Variants in CHST11 observed in about 807,000 individuals in gnomAD.
CHST11 encodes carbohydrate sulfotransferase 11.
A neutral mutation model predicts 30.4 loss-of-function variants in CHST11; 9 were observed. The observed-to-expected ratio is 0.30, with a 90% CI of 0.18 to 0.52. The LOEUF is 0.52. Ranked by LOEUF, CHST11 falls within the 20% of genes least tolerant of loss-of-function variation. The pLI, the probability that CHST11 is intolerant of heterozygous loss-of-function variation, is 0.97. For missense variants in CHST11, 348 were observed against 460.6 expected, an observed-to-expected ratio of 0.76 and a Z score of 2.24; for synonymous variants, 152 against 187.8, an observed-to-expected ratio of 0.81 and a Z score of 1.56.
intron 2 of CHST11, among the ~76,000 whole-genome samples, chr12:104,614,608 A>C (rs905132288): frequency 1.3e-5 from 2 of 152,112 alleles, no homozygotes; most frequent in Admixed American, 1.3e-4. Flanking sequence ...AGGAGCATAG[A>C]GATAGACCTA....
rs964043769 is a variant in CHST11, at chr12:104,514,335, C to G, written c.118+56806C>G. 13 of 979,348 alleles carry G rather than the reference C, an allele frequency of 1.3e-5. No individual in the cohort carries two copies. In the African/African-American group the frequency reaches 1.9e-4, roughly 14 times the overall value. 60.7% of individuals were successfully genotyped at this position (979,348 alleles called of 1,614,324 possible). The stretch of plus-strand genomic sequence containing the variant: ...CATTGGCTGTGCCAGAAACCTGTCT[C>G]TCAAGCAGCAGCTCTTCTTCTATGC... On this transcript the variant is annotated intron_variant, in intron 1 of 2. Coordinates refer to ENST00000303694, the MANE Select transcript of CHST11 (RefSeq NM_018413.6).
chr12:104,628,984 C>G (rs552605382), intron 2 of CHST11, among the ~76,000 whole-genome samples: 32 of 152,318 alleles, frequency 2.1e-4, no homozygotes, highest in African/African-American at 7.0e-4. Context: ...GATGGATGGA[C>G]AAGCTGGGAG....
At chr12:104,484,972 G>T (rs1034370623) in intron 1 of CHST11, among the ~76,000 whole-genome samples, 1 of 152,202 alleles carries the variant, frequency 6.6e-6, no homozygotes, top group Non-Finnish European at 1.5e-5. Flanking sequence ...GTGCCGTCTG[G>T]GGAGTTAAAT....
intron 2 of CHST11, among the ~76,000 whole-genome samples, chr12:104,637,275 A>G (rs2039331336): frequency 7.4e-6 from 1 of 134,562 alleles, no homozygotes; most frequent in Non-Finnish European, 1.6e-5. Flanking sequence ...ACAGCATTCC[A>G]GCCTGGGCCA....
rs1188563357 is a variant in CHST11 at position 104,757,264 on chromosome 12, C to T, written c.520C>T (p.His174Tyr). Residue 174 changes from histidine (H) to tyrosine (Y), a missense_variant, in exon 3 of 3, where the codon CAC becomes TAC. His to Tyr is a moderately conservative substitution (Grantham distance 83). Transcript: ENST00000303694. The surrounding 1 kb of genome is among the most constrained non-coding windows in gnomAD (Gnocchi z 6.5). ...CCAGTACAGCATCCCAGAAATCAAC[C>T]ACCGCTTGAAAAGCTACATGAAGTT... ...LNQYSIPEIN[H>Y]RLKSYMKFLF... 2 of 1,614,110 alleles carry T rather than the reference C, an allele frequency of 1.2e-6. No homozygotes were observed. Among genetic ancestry groups the T allele is most frequent in the Non-Finnish European group, 1.7e-6 (2 of 1,180,024 alleles).
rs966804742 is a variant in CHST11 at position 104,461,245 on chromosome 12, A to T, written c.118+3716A>T. On this transcript the variant is annotated intron_variant, in intron 1 of 2. Coordinates refer to ENST00000303694, the MANE Select transcript of CHST11 (RefSeq NM_018413.6). The stretch of plus-strand genomic sequence containing the variant: ...GCTGAGGCACTGCTCTGTGTCCTGG[A>T]TTCTGGAGAAGGTTGGTCTTGTTTA... 2.0e-4 allele frequency among the ~76,000 whole-genome samples: 31 copies of T among 152,254 alleles called. 2 individuals carry two copies. Among genetic ancestry groups the T allele is most frequent in the Admixed American group, 1.1e-3 (17 of 15,296 alleles).
At chr12:104,492,090 T>C (rs530459674) in intron 1 of CHST11, among the ~76,000 whole-genome samples, 120 of 152,264 alleles carry the variant, frequency 7.9e-4, no homozygotes, top group African/African-American at 2.8e-3. Flanking sequence ...TCTTACCATG[T>C]CACTCTGTTT....
intron 1 of CHST11, among the ~76,000 whole-genome samples, chr12:104,524,039 C>CTT (rs10594720): frequency 1.2e-4 from 15 of 128,038 alleles, no homozygotes; most frequent in African/African-American, 4.4e-4. Context: ...TTCTTTCTTT[C>CTT]TTTTTTTTTT....
chr12:104,707,208 G>A (rs953313761), intron 2 of CHST11, among the ~76,000 whole-genome samples: 1 of 152,216 alleles, frequency 6.6e-6, no homozygotes, highest in Admixed American at 6.5e-5. Context: ...TGTTTTCCAA[G>A]AATCTAGAAA....
chr12:104,473,465 A>C (rs556106825), intron 1 of CHST11, among the ~76,000 whole-genome samples: 1 of 152,234 alleles, frequency 6.6e-6, no homozygotes, highest in South Asian at 2.1e-4. Flanking sequence ...GTGGGAGCTC[A>C]TGGGTGTATC....
intron 2 of CHST11, among the ~76,000 whole-genome samples, chr12:104,614,613 G>T (rs2039090483): frequency 6.6e-6 from 1 of 152,030 alleles, no homozygotes; most frequent in Non-Finnish European, 1.5e-5. Context: ...CATAGAGATA[G>T]ACCTAGACTA....
intron 2 of CHST11, among the ~76,000 whole-genome samples, chr12:104,714,000 C>G (rs1262248322): frequency 1.3e-5 from 2 of 152,212 alleles, no homozygotes; most frequent in East Asian, 3.8e-4. Context: ...TGCCACCTGT[C>G]ATGTGCTCTA....
At chr12:104,589,372 G>A (rs2136038199) in intron 1 of CHST11, among the ~76,000 whole-genome samples, 1 of 147,148 alleles carries the variant, frequency 6.8e-6, no homozygotes, top group East Asian at 2.0e-4. Flanking sequence ...CTGCACTCCA[G>A]CCTGAGTGAC....
In CHST11 at chr12:104,747,395, A is replaced by G. The variant is rs529394060; in HGVS notation, c.205-9554A>G. Among the ~76,000 whole-genome samples, 4 of 152,336 alleles carry G rather than the reference A, an allele frequency of 2.6e-5. No homozygotes were observed. The East Asian group carries it at 7.7e-4, about 29-fold the overall frequency. The stretch of plus-strand genomic sequence containing the variant: ...AAAATACTAATGATACCTACCTCAT[A>G]GAGTGTGAAGATCAACAGTAGCTGG... On this transcript the variant is annotated intron_variant, in intron 2 of 2. Coordinates refer to ENST00000303694, the MANE Select transcript of CHST11 (RefSeq NM_018413.6).
rs189803726 is a variant in CHST11, at chr12:104,605,573, C to G, written c.204+3582C>G. On this transcript the variant is annotated intron_variant, in intron 2 of 2. Transcript: ENST00000303694. ...CAGCCTGGGCGAAAGAGCCAGACTC[C>G]GTCTCAAAAAAATAAAAAATAAAAA... Among the ~76,000 whole-genome samples, 5 of 151,892 alleles carry G rather than the reference C, an allele frequency of 3.3e-5. No homozygotes were observed. In the East Asian group the frequency reaches 9.7e-4, roughly 29 times the overall value.
intron 2 of CHST11, among the ~76,000 whole-genome samples, chr12:104,712,027 T>C (rs1278886078): frequency 6.6e-6 from 1 of 152,104 alleles, no homozygotes; most frequent in African/African-American, 2.4e-5. Flanking sequence ...AATGTGTTGA[T>C]TGGGTAAGAA....
At chr12:104,681,287 TACA>T (rs1334173336) in intron 2 of CHST11, among the ~76,000 whole-genome samples, 1 of 152,222 alleles carries the variant, frequency 6.6e-6, no homozygotes, top group African/African-American at 2.4e-5. Flanking sequence ...TGATACATGC[TACA>T]TGGATGAACC....
intron 2 of CHST11, among the ~76,000 whole-genome samples, chr12:104,642,995 A>G (rs2039392100): frequency 6.6e-6 from 1 of 152,196 alleles, no homozygotes; most frequent in Non-Finnish European, 1.5e-5. Context: ...TGCCCACTAC[A>G]TGCAGGTTTT....
At chr12:104,579,744 C>G (rs541004953) in intron 1 of CHST11, among the ~76,000 whole-genome samples, 1 of 152,302 alleles carries the variant, frequency 6.6e-6, no homozygotes, top group African/African-American at 2.4e-5. Context: ...GTTGCCCGCT[C>G]TAATTGTGTA....
Sources: allele counts gnomAD v4.1 joint callset (sites outside exome capture counted in the v4.1 genomes callset), GRCh38; gene constraint gnomAD v4.1.1; non-coding constraint Gnocchi (gnomAD v3.1); transcripts MANE v1.5; gene names NCBI Gene and HGNC (gene_info 2026-07-23, HGNC 2026-07-21).